Variants in MCC observed in about 807,000 individuals in gnomAD.
The protein encoded by MCC is MCC regulator of Wnt signaling pathway.
A neutral mutation model predicts 116.2 loss-of-function variants in MCC; 90 were observed. The ratio of observed to expected loss-of-function variants is 0.77; its 90% CI spans 0.65 to 0.92. The LOEUF is 0.92. Ranked by LOEUF, MCC falls within the 40% of genes least tolerant of loss-of-function variation. MCC has a pLI of 0.00. For missense variants in MCC, 1,516 were observed against 1,312.2 expected, an observed-to-expected ratio of 1.16 and a Z score of -2.40; for synonymous variants, 578 against 510.5, an observed-to-expected ratio of 1.13 and a Z score of -1.78.
At chr5:113,067,102 A>G (rs1446311551) in intron 13 of MCC, among the ~76,000 whole-genome samples, 1 of 152,218 alleles carries the variant, frequency 6.6e-6, no homozygotes, top group Non-Finnish European at 1.5e-5. Context: ...GCTTCCTAGA[A>G]TGACATGCTT....
At chr5:113,261,939 A>G (rs1561491900) in intron 3 of MCC, among the ~76,000 whole-genome samples, 1 of 152,196 alleles carries the variant, frequency 6.6e-6, no homozygotes, top group Admixed American at 6.5e-5. Context: ...GCAGTACACA[A>G]AAAACTACAT....
At chr5:113,068,445 T>C (rs1162600244) in intron 12 of MCC, among the ~76,000 whole-genome samples, 2 of 152,340 alleles carry the variant, frequency 1.3e-5, no homozygotes, top group Non-Finnish European at 1.5e-5. Flanking sequence ...GTGTCGTCCC[T>C]TCAGTGACCA....
At chr5:113,233,938 AAAAG>A (rs1182809562) in intron 3 of MCC, among the ~76,000 whole-genome samples, 1 of 152,192 alleles carries the variant, frequency 6.6e-6, no homozygotes, top group African/African-American at 2.4e-5. Flanking sequence ...CAATGGAGGA[AAAAG>A]AACAGGGAGA....
chr5:113,239,688 T>C (rs978293770), intron 3 of MCC, among the ~76,000 whole-genome samples: 1 of 152,204 alleles, frequency 6.6e-6, no homozygotes, highest in African/African-American at 2.4e-5. Context: ...CATTGAGAAA[T>C]GGCTTCTGTG....
intron 3 of MCC, chr5:113,269,291 A>G (rs547283321): frequency 1.6e-4 from 123 of 767,430 alleles, no homozygotes; most frequent in Non-Finnish European, 1.9e-4. Context: ...CCAGAGGCCA[A>G]TGAACTCTTT....
chr5:113,151,490 C>T lies in MCC; in HGVS notation c.628-68G>A, dbSNP rs538757494. Reference sequence around the variant, plus strand: ...ATGTATTTCCTTCCCTTCATTCCCGCAACTAGTATAACCAAATAAAAAGCC... The same window carrying T: ...ATGTATTTCCTTCCCTTCATTCCCGTAACTAGTATAACCAAATAAAAAGCC... On this transcript the variant is annotated intron_variant, in intron 3 of 18. Coordinates refer to ENST00000408903, the MANE Select transcript of MCC (RefSeq NM_001085377.2). 2.7e-5 allele frequency: 22 copies of T among 808,914 alleles called. No homozygotes were observed. In the South Asian group the frequency reaches 3.4e-4, roughly 12 times the overall value. 50.1% of individuals were successfully genotyped at this position (808,914 alleles called of 1,614,324 possible). A position where few individuals can be genotyped will look rare whatever the true frequency, so the allele number is the denominator to read the frequency against.
At chr5:113,106,890 G>A (rs1756767808) in intron 6 of MCC, among the ~76,000 whole-genome samples, 1 of 152,144 alleles carries the variant, frequency 6.6e-6, no homozygotes, top group East Asian at 1.9e-4. Flanking sequence ...CAGCTCAAAT[G>A]CTATCTCCCC....
intron 8 of MCC, among the ~76,000 whole-genome samples, chr5:113,099,208 G>A (rs1456053120): frequency 6.6e-6 from 1 of 152,224 alleles, no homozygotes; most frequent in Non-Finnish European, 1.5e-5. Context: ...TTGAGGAAGA[G>A]ATAAAAGTTA....
chr5:113,368,917 G>A (rs1404323092), intron 2 of MCC, among the ~76,000 whole-genome samples: 1 of 152,178 alleles, frequency 6.6e-6, no homozygotes, highest in Non-Finnish European at 1.5e-5. Context: ...ATAAAAGTGG[G>A]TTCCCACAAT....
chr5:113,053,263 G>C (rs1752600728), intron 15 of MCC, among the ~76,000 whole-genome samples: 1 of 152,270 alleles, frequency 6.6e-6, no homozygotes, highest in Non-Finnish European at 1.5e-5. Flanking sequence ...ACTATGGTCT[G>C]AGCAGGCTCG....
chr5:113,315,417 A>G (rs1014684206), intron 3 of MCC, among the ~76,000 whole-genome samples: 2 of 152,240 alleles, frequency 1.3e-5, no homozygotes, highest in Non-Finnish European at 2.9e-5. Flanking sequence ...ATTGCTTTTA[A>G]TAGAACAAAA....
chr5:113,056,730 G>C (rs967964377), intron 14 of MCC, among the ~76,000 whole-genome samples: 5 of 150,660 alleles, frequency 3.3e-5, no homozygotes, highest in African/African-American at 9.9e-5. Context: ...TAAAATAAAA[G>C]TAAAAAAAAA....
rs79007396 is a variant in MCC, at chr5:113,304,774, A to G, written c.627+35745T>C. On this transcript the variant is annotated intron_variant, in intron 3 of 18. Transcript: ENST00000408903. Reference sequence around the variant, plus strand: ...TGGAAATCCAAGGAAGTTAAAAAAAAAAGTTTTGAGTCCTCCCAGGAGTAC... The same window carrying G: ...TGGAAATCCAAGGAAGTTAAAAAAAGAAGTTTTGAGTCCTCCCAGGAGTAC... 6.0e-4 allele frequency among the ~76,000 whole-genome samples: 92 copies of G among 152,350 alleles called. No homozygotes were observed. The East Asian group carries it at 0.014, about 23-fold the overall frequency.
At chr5:113,089,253 C>T (rs534440280) in intron 8 of MCC, among the ~76,000 whole-genome samples, 79 of 152,286 alleles carry the variant, frequency 5.2e-4, no homozygotes, top group African/African-American at 1.9e-3. Flanking sequence ...CCTCTGCCTT[C>T]CTAGAGCAGG....
intron 1 of MCC, among the ~76,000 whole-genome samples, chr5:113,397,207 A>C (rs530044788): frequency 3.9e-5 from 6 of 152,228 alleles, no homozygotes; most frequent in Non-Finnish European, 5.9e-5. Flanking sequence ...TATGACATGC[A>C]TCTGAAGGAA....
chr5:113,088,528 T>C (rs1755362544), intron 8 of MCC, among the ~76,000 whole-genome samples: 1 of 151,470 alleles, frequency 6.6e-6, no homozygotes, highest in Non-Finnish European at 1.5e-5. Flanking sequence ...GATAATCTGA[T>C]TTGGGTGGGC....
At chr5:113,487,081 T>C (rs943836050) in intron 1 of MCC, among the ~76,000 whole-genome samples, 5 of 152,134 alleles carry the variant, frequency 3.3e-5, no homozygotes, top group Admixed American at 2.0e-4. Flanking sequence ...TCCTAATGTT[T>C]CTCAGTAAAA....
At chr5:113,210,407 T>TGGAATGTAA (rs1554066966) in intron 3 of MCC, among the ~76,000 whole-genome samples, 1 of 151,954 alleles carries the variant, frequency 6.6e-6, no homozygotes, top group Non-Finnish European at 1.5e-5. Flanking sequence ...TGTTTTAGTC[T>TGGAATGTAA]GGAATATAAG....
chr5:113,205,049 C>T (rs752813330), intron 3 of MCC, among the ~76,000 whole-genome samples: 12 of 152,204 alleles, frequency 7.9e-5, no homozygotes, highest in South Asian at 2.1e-4. Context: ...CCAAAGACTG[C>T]TTCCTACTTT....
Sources: gnomAD v4.1 joint callset for allele counts (sites outside exome capture counted in the v4.1 genomes callset) on GRCh38, gnomAD v4.1.1 for gene constraint, MANE v1.5 for transcripts, NCBI Gene and HGNC (gene_info 2026-07-23, HGNC 2026-07-21) for gene names.